Variants in BRCA1 observed in about 807,000 individuals in gnomAD.
BRCA1 encodes breast cancer type 1 susceptibility protein.
A neutral mutation model predicts 173.7 loss-of-function variants in BRCA1; 140 were observed. That is an observed-to-expected ratio of 0.81 (90% confidence interval 0.70 to 0.93). The LOEUF (loss-of-function observed/expected upper bound fraction) is 0.93, where lower values mean the gene tolerates loss of function less well. BRCA1 is among the 40% of genes least tolerant of loss of function. The pLI, the probability that BRCA1 is intolerant of heterozygous loss-of-function variation, is 0.00. For missense variants in BRCA1, 1,983 were observed against 2,172.5 expected, an observed-to-expected ratio of 0.91 and a Z score of 1.73; for synonymous variants, 662 against 756.0, an observed-to-expected ratio of 0.88 and a Z score of 2.04.
intron 13 of BRCA1, 34 bp from the exon 14 acceptor site, chr17:43,074,555 C>T (rs768492260): frequency 1.3e-6 from 2 of 1,575,938 alleles, no homozygotes; most frequent in African/African-American, 2.7e-5. Context: ...AAACCATCGC[C>T]ACCAATTGTG....
intron 2 of BRCA1, chr17:43,119,354 G>A (rs2055443208): frequency 4.5e-6 from 1 of 222,876 alleles, no homozygotes; most frequent in Admixed American, 5.7e-5. Context: ...TACAACTCTT[G>A]TAATCATGGG....
intron 1 of BRCA1, among the ~76,000 whole-genome samples, chr17:43,148,081 C>T (rs1567832360): frequency 6.6e-6 from 1 of 152,184 alleles, no homozygotes; most frequent in African/African-American, 2.4e-5. Flanking sequence ...AGTTTCCTCA[C>T]TGACAAATGA....
Position 43,106,382 on chromosome 17 carries a change from CTATGT to C in BRCA1, c.212+69_212+73del. The C allele has an allele frequency of 4.2e-6, 4 of 957,320 alleles. No homozygotes were observed. In the South Asian group the frequency reaches 5.9e-5, roughly 14 times the overall value. The allele number at this position is 957,320 out of a possible 1,614,324, so 59.3% of individuals were successfully genotyped here. On this transcript the variant is annotated intron_variant, in intron 4 of 22. Coordinates refer to ENST00000357654, the MANE Select transcript of BRCA1 (RefSeq NM_007294.4). ...TCTGATGAATGGTTTTATAGGAACG[CTATGT>C]TATTAAATAATTTCTACTTTTTCCT...
At position 43,135,550 on chromosome 17, in the gene BRCA1, C is replaced by A. The variant is rs115508979; in HGVS notation, c.-19-11435G>T. Reference sequence around the variant, plus strand: ...CCAGGCCTAGTGTAGGGTCTCTGGCCGGGGCTGTAGCCTTCATCCGCGTGG... The same window carrying A: ...CCAGGCCTAGTGTAGGGTCTCTGGCAGGGGCTGTAGCCTTCATCCGCGTGG... On this transcript the variant is annotated intron_variant, in intron 1 of 7. Coordinates refer to the BRCA1 transcript ENST00000634433. Among the ~76,000 whole-genome samples the A allele has an allele frequency of 2.6e-5, 4 of 152,212 alleles. No homozygotes were observed. In the East Asian group the frequency reaches 7.7e-4, roughly 29 times the overall value.
In BRCA1 at chr17:43,094,826, A is replaced by G. The variant is rs1165432483; in HGVS notation, c.705T>C (p.Asn235=). Reference sequence around the variant, plus strand: ...TATTACTGGGTTGATGATGTTCAGTATTTGTTACATCCGTCTCAGAAAATT... The same window carrying G: ...TATTACTGGGTTGATGATGTTCAGTGTTTGTTACATCCGTCTCAGAAAATT... ...ACEFSETDVT[N]TEHHQPSNND... The change falls in exon 10 of 23, where the codon AAT becomes AAC. Residue 235 remains asparagine (N), a synonymous_variant. Transcript: ENST00000357654. The G allele has an allele frequency of 6.2e-7, 1 of 1,613,724 alleles. No homozygotes were observed. The highest frequency in any genetic ancestry group is 8.5e-7 in the Non-Finnish European group (1 of 1,179,880).
Position 43,092,355 on chromosome 17 carries a change from T to C in BRCA1, c.3176A>G (p.Asn1059Ser), listed in dbSNP as rs1427847949. ...SSTNEVGSSI[N>S]EIGSSDENIQ... ...GTTTTCATCACTGGAACCTATTTCA[T>C]TAATACTGGAGCCCACTTCATTAGT... Residue 1059 changes from asparagine (N) to serine (S), a missense_variant, in exon 10 of 23, where the codon AAT becomes AGT. By Grantham distance (46) the Asn-to-Ser change is conservative. Coordinates refer to ENST00000357654, the MANE Select transcript of BRCA1 (RefSeq NM_007294.4). 1 of 1,613,944 alleles carries C rather than the reference T, an allele frequency of 6.2e-7. No homozygotes were observed.
rs746016001 is a variant in BRCA1, at chr17:43,094,878, T to A, written c.671-18A>T. The A allele has an allele frequency of 6.3e-7, 1 of 1,593,108 alleles. No individual in the cohort carries two copies. Among genetic ancestry groups the A allele is most frequent in the Admixed American group, 1.8e-5 (1 of 57,100 alleles). On this transcript the variant is annotated intron_variant, in intron 9 of 22. Transcript: ENST00000357654. ...ACAAGCAGCTGAAAATATACAAAAA[T>A]AACAAGGTACTCAAAAACTGAATTG...
At chr17:43,071,932 C>T (rs985353507) in intron 14 of BRCA1, among the ~76,000 whole-genome samples, 9 of 151,474 alleles carry the variant, frequency 5.9e-5, no homozygotes, top group South Asian at 2.1e-4. Context: ...GGCGTGTACC[C>T]GGGAGGCAGA....
At chr17:43,109,587 G>A (rs2054948490) in intron 3 of BRCA1, among the ~76,000 whole-genome samples, 1 of 152,088 alleles carries the variant, frequency 6.6e-6, no homozygotes, top group South Asian at 2.1e-4. Context: ...AGATGAGGCT[G>A]TCAAAAAGCT....
rs587776487 is a variant in BRCA1, at chr17:43,092,361, C to T, written c.3170G>A (p.Ser1057Asn). The T allele has an allele frequency of 1.9e-6, 3 of 1,613,924 alleles. No individual in the cohort carries two copies. The highest frequency in any genetic ancestry group is 2.5e-6 in the Non-Finnish European group (3 of 1,179,976). Residue 1057 changes from serine to asparagine, a missense_variant, in exon 10 of 23, where the codon AGT (serine) becomes AAT (asparagine). Ser to Asn is a conservative substitution (Grantham distance 46). Transcript: ENST00000357654. ...ATCACTGGAACCTATTTCATTAATA[C>T]TGGAGCCCACTTCATTAGTACTGGA... ...VGSSTNEVGS[S>N]INEIGSSDEN...
At position 43,092,654 on chromosome 17, in the gene BRCA1, T is replaced by C. The variant is rs587782743; in HGVS notation, c.2877A>G (p.Arg959=). 1.2e-6 allele frequency: 2 copies of C among 1,614,100 alleles called. No individual in the cohort carries two copies. The highest frequency in any genetic ancestry group is 1.7e-6 in the Non-Finnish European group (2 of 1,180,004). Residue 959 remains arginine (R), a synonymous_variant, in exon 10 of 23, where the codon AGA becomes AGG. Coordinates refer to ENST00000357654, the MANE Select transcript of BRCA1 (RefSeq NM_007294.4). ...GSRFCLSSQF[R]GNETGLITPN... ...GAGTAATGAGTCCAGTTTCGTTGCC[T>C]CTGAACTGAGATGATAGACAAAACC...
intron 2 of BRCA1, chr17:43,119,076 G>A (rs183477289): frequency 5.6e-5 from 12 of 215,010 alleles, no homozygotes; most frequent in Admixed American, 1.8e-4. Flanking sequence ...TTTTGAAACG[G>A]ATTTTTTGGA....
chr17:43,058,935 AG>A (rs2051626838), intron 18 of BRCA1, among the ~76,000 whole-genome samples: 1 of 152,218 alleles, frequency 6.6e-6, no homozygotes, highest in Admixed American at 6.5e-5. Context: ...ATTGTAGGGA[AG>A]GCCTTATGTG....
chr17:43,079,211 A>C, intron 12 of BRCA1: 1 of 763,814 alleles, frequency 1.3e-6, no homozygotes, highest in Non-Finnish European at 2.2e-6. Flanking sequence ...AAAAAAATGA[A>C]AGGCAGAGGG....
At chr17:43,054,264 C>G (rs2051368548) in intron 19 of BRCA1, among the ~76,000 whole-genome samples, 1 of 152,164 alleles carries the variant, frequency 6.6e-6, no homozygotes, top group Non-Finnish European at 1.5e-5. Context: ...AGCAGCTTTT[C>G]TTGGCATCTG....
At chr17:43,121,235 C>A (rs1018856308) in intron 2 of BRCA1, among the ~76,000 whole-genome samples, 8 of 151,410 alleles carry the variant, frequency 5.3e-5, no homozygotes, top group Non-Finnish European at 8.8e-5. Context: ...ATTAGCCGGG[C>A]ATAGTGGTGG....
At chr17:43,098,538 T>G (rs924721149) in intron 7 of BRCA1, among the ~76,000 whole-genome samples, 1 of 151,254 alleles carries the variant, frequency 6.6e-6, no homozygotes, top group Non-Finnish European at 1.5e-5. Flanking sequence ...TTTTTTTTTT[T>G]TTGTATTTTT....
chr17:43,145,803 A>G (rs185937375), intron 1 of BRCA1, among the ~76,000 whole-genome samples: 3 of 152,180 alleles, frequency 2.0e-5, no homozygotes, highest in East Asian at 3.9e-4. Flanking sequence ...AAAATTGTGT[A>G]GGATATTGAA....
Position 43,044,976 on chromosome 17 carries a change from G to A in BRCA1, c.*702C>T, listed in dbSNP as rs1203808244. Reference sequence around the variant, plus strand: ...CCACCACCATGACCGGCTAATTTCTGTATTTTTAGTAGAGATGGGGTTTCA... The same window carrying A: ...CCACCACCATGACCGGCTAATTTCTATATTTTTAGTAGAGATGGGGTTTCA... On this transcript the variant is annotated 3_prime_UTR_variant, in exon 23 of 23. Transcript: ENST00000357654. The A allele has an allele frequency of 2.1e-6, 1 of 482,970 alleles. No individual in the cohort carries two copies. Among genetic ancestry groups the A allele is most frequent in the Admixed American group, 2.4e-5 (1 of 42,368 alleles). The allele number at this position is 482,970 out of a possible 1,614,324, so 29.9% of individuals were successfully genotyped here.
Sources: gnomAD v4.1 joint callset for allele counts (sites outside exome capture counted in the v4.1 genomes callset) on GRCh38, gnomAD v4.1.1 for gene constraint, MANE v1.5 for transcripts, NCBI Gene and HGNC (gene_info 2026-07-23, HGNC 2026-07-21) for gene names.